The following NCOA2 variants were observed in gnomAD, a reference collection of about 807,000 sequenced individuals.
NCOA2 encodes class E basic helix-loop-helix protein 75.
Under a neutral mutation model 145.1 loss-of-function variants are expected in NCOA2, and 21 were observed. The ratio of observed to expected loss-of-function variants is 0.14; its 90% CI spans 0.10 to 0.21. NCOA2 has a LOEUF of 0.21. Among genes scored for constraint, NCOA2 ranks in the 10% least tolerant of loss-of-function variants. The pLI, the probability that NCOA2 is intolerant of heterozygous loss-of-function variation, is 1.00. For synonymous variants in NCOA2, 619 were observed against 637.5 expected (o/e 0.97, Z 0.44); for missense variants, 1,472 against 1,837.6 (o/e 0.80, Z 3.64).
chr8:70,408,094 C>G (rs145782046), upstream of NCOA2, among the ~76,000 whole-genome samples: 1 of 152,150 alleles, frequency 6.6e-6, no homozygotes, highest in Non-Finnish European at 1.5e-5. Context: ...TACACCCACA[C>G]TCATTCCAGG....
At chr8:70,424,646 C>G in the NCOA2 span, 11 of 345,260 alleles carry the variant, frequency 3.2e-5, no homozygotes, top group South Asian at 1.7e-4. Flanking sequence ...AAAGCCAGAT[C>G]GTGAATATTT....
chr8:70,402,387 G>A (rs749732580), intron 1 of NCOA2: 53 of 152,462 alleles, frequency 3.5e-4, no homozygotes, highest in Non-Finnish European at 6.0e-4. Context: ...GTCCAGCTCC[G>A]GGCCAGCGGA....
the NCOA2 span, among the ~76,000 whole-genome samples, chr8:70,416,659 C>T: frequency 6.6e-6 from 1 of 152,148 alleles, no homozygotes; most frequent in Non-Finnish European, 1.5e-5. Flanking sequence ...AATGTATTGA[C>T]TCATGATTCT....
chr8:70,420,708 G>A, the NCOA2 span, among the ~76,000 whole-genome samples: 2 of 152,120 alleles, frequency 1.3e-5, no homozygotes, highest in East Asian at 1.9e-4. Flanking sequence ...GTGCAGGCGC[G>A]ATCTCTGCTC....
intron 1 of NCOA2, among the ~76,000 whole-genome samples, chr8:70,397,461 GAAAAA>G (rs11347613): frequency 9.3e-6 from 1 of 107,046 alleles, no homozygotes; most frequent in African/African-American, 3.2e-5. Context: ...TCAAAAAAAG[GAAAAA>G]AAAAAAAAAA....
chr8:70,398,402 A>G (rs1484222364), intron 1 of NCOA2, among the ~76,000 whole-genome samples: 2 of 152,172 alleles, frequency 1.3e-5, no homozygotes, highest in Non-Finnish European at 2.9e-5. Context: ...AAGGCTATAC[A>G]GTGAGCTGTG....
At chr8:70,270,650 TA>T (rs1382569975) in intron 2 of NCOA2, among the ~76,000 whole-genome samples, 1 of 152,134 alleles carries the variant, frequency 6.6e-6, no homozygotes, top group Non-Finnish European at 1.5e-5. Flanking sequence ...TCTTTAAAAG[TA>T]AAAAACCATA....
chr8:70,114,475 C>T (rs868395743), intron 22 of NCOA2, among the ~76,000 whole-genome samples: 5 of 152,212 alleles, frequency 3.3e-5, no homozygotes, highest in Admixed American at 1.3e-4. Context: ...TACCGACTAT[C>T]TTCCTTCCAA....
chr8:70,432,560 G>T, the NCOA2 span, among the ~76,000 whole-genome samples: 1 of 152,202 alleles, frequency 6.6e-6, no homozygotes, highest in Non-Finnish European at 1.5e-5. Flanking sequence ...CTACTCGAAA[G>T]GCCGAGGCAG....
chr8:70,286,186 G>A (rs1826218243), intron 2 of NCOA2, among the ~76,000 whole-genome samples: 2 of 152,186 alleles, frequency 1.3e-5, no homozygotes, highest in Non-Finnish European at 2.9e-5. Context: ...GCTGAGGTGG[G>A]AGGATCACTT....
chr8:70,370,059 A>G (rs1811074748), intron 1 of NCOA2, among the ~76,000 whole-genome samples: 1 of 151,612 alleles, frequency 6.6e-6, no homozygotes, highest in Admixed American at 6.6e-5. Context: ...CTACTTTTTT[A>G]TTTTTTTGTA....
intron 4 of NCOA2, among the ~76,000 whole-genome samples, chr8:70,183,643 G>C (rs1352270045): frequency 6.6e-6 from 1 of 152,048 alleles, no homozygotes; most frequent in Non-Finnish European, 1.5e-5. Flanking sequence ...TGTTCCATTG[G>C]CACAGATGCC....
chr8:70,411,904 T>C, the NCOA2 span, among the ~76,000 whole-genome samples: 1 of 152,238 alleles, frequency 6.6e-6, no homozygotes, highest in Admixed American at 6.5e-5. Flanking sequence ...GAGTGGAGGT[T>C]ACATGGACAT....
the NCOA2 span, among the ~76,000 whole-genome samples, chr8:70,423,266 C>T: frequency 1.3e-5 from 2 of 152,156 alleles, no homozygotes; most frequent in Admixed American, 6.5e-5. Flanking sequence ...TCACTGCAAC[C>T]TCTGCCCCCC....
At chr8:70,421,505 C>T in the NCOA2 span, among the ~76,000 whole-genome samples, 1 of 152,268 alleles carries the variant, frequency 6.6e-6, no homozygotes, top group African/African-American at 2.4e-5. Context: ...CTGCAGTGAG[C>T]TATGATCGCA....
At chr8:70,249,887 TG>T (rs1251133223) in intron 2 of NCOA2, among the ~76,000 whole-genome samples, 3 of 138,880 alleles carry the variant, frequency 2.2e-5, no homozygotes, top group Non-Finnish European at 4.5e-5. Flanking sequence ...CGCTTGAACC[TG>T]GGAGGCAGAG....
At chr8:70,153,108 C>T (rs958626696) in intron 11 of NCOA2, among the ~76,000 whole-genome samples, 1 of 152,206 alleles carries the variant, frequency 6.6e-6, no homozygotes, top group Non-Finnish European at 1.5e-5. Flanking sequence ...ACTTTTCAAG[C>T]TGCAATGTTT....
intron 8 of NCOA2, 131 bp from the exon 9 acceptor site, chr8:70,162,985 G>A: frequency 1.2e-6 from 1 of 866,030 alleles, no homozygotes; most frequent in Non-Finnish European, 1.7e-6. Context: ...TGCGATCTCA[G>A]CTCACTGCAA....
rs1053605532 is a variant in NCOA2 at position 70,124,920 on chromosome 8, G to C, written c.3917-55C>G. The C allele has an allele frequency of 4.5e-5, 66 of 1,468,510 alleles. No homozygotes were observed. In the Middle Eastern group the frequency reaches 9.1e-4, roughly 20 times the overall value. 91.0% of individuals were successfully genotyped at this position (1,468,510 alleles called of 1,614,324 possible). On this transcript the variant is annotated intron_variant, in intron 19 of 22. Transcript: ENST00000452400. The stretch of plus-strand genomic sequence containing the variant: ...AAAAGAGACTGTTAGTTATATTGTA[G>C]AGACTGGTGGGGGGGAAAGAACATT...
Sources: gnomAD v4.1 joint callset for allele counts (sites outside exome capture counted in the v4.1 genomes callset) on GRCh38, gnomAD v4.1.1 for gene constraint, MANE v1.5 for transcripts, NCBI Gene and HGNC (gene_info 2026-07-23, HGNC 2026-07-21) for gene names.